The following SYDE1 variants were observed in gnomAD, a reference collection of about 807,000 sequenced individuals.
SYDE1 encodes the protein synapse defective Rho GTPase activating protein 1.
SYDE1 carries 34 observed loss-of-function variants against 63.3 expected under a neutral mutation model. That is an observed-to-expected ratio of 0.54 (90% CI 0.41 to 0.71). SYDE1 has a LOEUF of 0.71. Among genes scored for constraint, SYDE1 ranks in the 30% least tolerant of loss-of-function variants. The pLI, the probability that SYDE1 is intolerant of heterozygous loss-of-function variation, is 0.00. For missense variants in SYDE1, 925 were observed against 1,042.5 expected (o/e 0.89, Z 1.55); for synonymous variants, 467 against 473.4 (o/e 0.99, Z 0.18).
In SYDE1 at chr19:15,111,946, G is replaced by T. The variant is rs974833945; in HGVS notation, c.1578+154G>T. Among the ~76,000 whole-genome samples, 1 of 152,164 alleles carries T rather than the reference G, an allele frequency of 6.6e-6. No individual in the cohort carries two copies. The highest frequency in any genetic ancestry group is 1.5e-5 in the Non-Finnish European group (1 of 68,028). On this transcript the variant is annotated intron_variant, in intron 6 of 7. Transcript: ENST00000342784. The surrounding 1 kb of genome is among the most constrained non-coding windows in gnomAD (Gnocchi z 5.5). ...ATTAGCATCCCACTTCATAGATTTG[G>T]AAACTGAGGCCCAAAGCAGGTGACA...
In SYDE1 at chr19:15,110,173, G is replaced by A. The variant is rs1443398721; in HGVS notation, c.900G>A (p.Arg300=). ...CCLLQVDGEA[R]ARTGPLRGGP... ...TACTGCAAGTGGATGGGGAGGCCAGGGCCCGAACAGGGCCACTGCGAGGGG... is the reference window on the plus strand; with the variant it reads ...TACTGCAAGTGGATGGGGAGGCCAGAGCCCGAACAGGGCCACTGCGAGGGG... The change falls in exon 3 of 8, where the codon AGG becomes AGA. Residue 300 remains arginine (R), a synonymous_variant. Transcript: ENST00000342784. This position sits in a 1 kb window ranked among gnomAD's most constrained non-coding sequence, Gnocchi z 6.9. 1 of 1,409,424 alleles carries A rather than the reference G, an allele frequency of 7.1e-7. No homozygotes were observed. The highest frequency in any genetic ancestry group is 3.2e-5 in the Admixed American group (1 of 30,796). 87.3% of individuals were successfully genotyped at this position (1,409,424 alleles called of 1,614,324 possible).
At position 15,111,151 on chromosome 19, in the gene SYDE1, C is replaced by A. The variant is rs2046343363; in HGVS notation, c.1291-162C>A. ...GGAGATGGCAGCCAAGACAAGTAGTCCAAGCAGAGGGTTTACAAGGCCAGG... is the reference window on the plus strand; with the variant it reads ...GGAGATGGCAGCCAAGACAAGTAGTACAAGCAGAGGGTTTACAAGGCCAGG... On this transcript the variant is annotated intron_variant, in intron 4 of 7. Coordinates refer to ENST00000342784, the MANE Select transcript of SYDE1 (RefSeq NM_033025.6). This position sits in a 1 kb window ranked among gnomAD's most constrained non-coding sequence, Gnocchi z 5.5. Among the ~76,000 whole-genome samples the A allele has an allele frequency of 1.3e-5, 2 of 152,096 alleles. No individual in the cohort carries two copies. The highest frequency in any genetic ancestry group is 6.5e-5 in the Admixed American group (1 of 15,270).
rs1457881702 is a variant in SYDE1, at chr19:15,107,445, G to T, written c.12G>T (p.Pro4=). ...GCCCGGGCCGCAGCATGGCCGAGCCGCTACTCAGGAAAACCTTCTCCCGCC... is the reference window on the plus strand; with the variant it reads ...GCCCGGGCCGCAGCATGGCCGAGCCTCTACTCAGGAAAACCTTCTCCCGCC... The part of the protein sequence containing the change: MAE[P]LLRKTFSRLR... Residue 4 remains proline, a synonymous_variant, in exon 1 of 8, where the codon CCG becomes CCT. Coordinates refer to ENST00000342784, the MANE Select transcript of SYDE1 (RefSeq NM_033025.6). 7 of 1,477,064 alleles carry T rather than the reference G, an allele frequency of 4.7e-6. No homozygotes were observed. Among genetic ancestry groups the T allele is most frequent in the East Asian group, 2.7e-5 (1 of 36,402 alleles). 91.5% of individuals were successfully genotyped at this position (1,477,064 alleles called of 1,614,324 possible). A position where few individuals can be genotyped will look rare whatever the true frequency, so the allele number is the denominator to read the frequency against.
At position 15,111,496 on chromosome 19, in the gene SYDE1, G is replaced by A; in HGVS notation, c.1417+57G>A. On this transcript the variant is annotated intron_variant, in intron 5 of 7. Transcript: ENST00000342784. This position sits in a 1 kb window ranked among gnomAD's most constrained non-coding sequence, Gnocchi z 5.5. ...ACCCCCATTCAATGCCTCACTTCAA[G>A]GCCTTGGGGCTCCTCTGGGACCTCA... 1 of 1,605,056 alleles carries A rather than the reference G, an allele frequency of 6.2e-7. No homozygotes were observed. The highest frequency in any genetic ancestry group is 2.2e-5 in the East Asian group (1 of 44,684).
intron 7 of SYDE1, among the ~76,000 whole-genome samples, chr19:15,113,257 C>T (rs2145330597): frequency 6.6e-6 from 1 of 152,278 alleles, no homozygotes; most frequent in South Asian, 2.1e-4. Context: ...CCAGGCTGGT[C>T]TTGAACTCCT....
In SYDE1 at chr19:15,114,604, C is replaced by T. The variant is rs1180710881; in HGVS notation, c.*641C>T. 6.5e-6 allele frequency: 1 copy of T among 153,488 alleles called. No homozygotes were observed. Among genetic ancestry groups the T allele is most frequent in the Admixed American group, 6.4e-5 (1 of 15,584 alleles). The allele number at this position is 153,488 out of a possible 1,614,324, so 9.5% of individuals were successfully genotyped here. ...GATAACAGAGTCTGGCCTTTCCAAT[C>T]CCCATCTCCTTGCCCCCCCCTTGCC... On this transcript the variant is annotated 3_prime_UTR_variant, in exon 8 of 8. Transcript: ENST00000342784.
chr19:15,109,913 G>C lies in SYDE1; in HGVS notation c.640G>C (p.Gly214Arg). ...YHLDSSVGGP[G>R]PAAGPGGTRS... is the part of the protein sequence containing the mutation. ...CCTGGACAGCAGCGTGGGGGGCCCC[G>C]GGCCGGCAGCAGGGCCTGGGGGCAC... is the stretch of plus-strand genomic sequence containing the variant. The change falls in exon 3 of 8, where the codon GGG (glycine) becomes CGG (arginine). Residue 214 changes from glycine (G) to arginine (R), a missense_variant. By Grantham distance (125) the Gly-to-Arg change is moderately radical. Around this residue, in one of 3 missense-constraint regions of SYDE1, gnomAD observed 599 missense variants for 653.7 expected, o/e 0.92. Coordinates refer to ENST00000342784, the MANE Select transcript of SYDE1 (RefSeq NM_033025.6). The surrounding 1 kb of genome is among the most constrained non-coding windows in gnomAD (Gnocchi z 5.0). 11 of 1,463,954 alleles carry C rather than the reference G, an allele frequency of 7.5e-6. No homozygotes were observed. The highest frequency in any genetic ancestry group is 9.9e-6 in the Non-Finnish European group (11 of 1,114,294). 90.7% of individuals were successfully genotyped at this position (1,463,954 alleles called of 1,614,324 possible).
In SYDE1 at chr19:15,107,409, G is replaced by C; in HGVS notation, c.-25G>C. The C allele has an allele frequency of 9.1e-7, 1 of 1,099,858 alleles. No homozygotes were observed. Among genetic ancestry groups the C allele is most frequent in the Non-Finnish European group, 1.1e-6 (1 of 884,010 alleles). 68.1% of individuals were successfully genotyped at this position (1,099,858 alleles called of 1,614,324 possible). On this transcript the variant is annotated 5_prime_UTR_variant, in exon 1 of 8. Transcript: ENST00000342784. ...CGGCCGGAGCCCGGGGCGCGCACTC[G>C]GCTCGGCCCGGCCCGGGCCGCAGCA...
rs2046332923 is a variant in SYDE1, at chr19:15,109,998, C to A, written c.725C>A (p.Pro242His). Residue 242 changes from proline (P) to histidine (H), a missense_variant, in exon 3 of 8, where the codon CCC (proline) becomes CAC (histidine). Physicochemically the swap from Pro to His is moderately conservative, Grantham distance 77. Coordinates refer to ENST00000342784, the MANE Select transcript of SYDE1 (RefSeq NM_033025.6). The surrounding 1 kb of genome is among the most constrained non-coding windows in gnomAD (Gnocchi z 5.0). Reference sequence around the variant, plus strand: ...GACTCACCGGAGCGCCCAGCTGGGCCCCCATCACCCACCTCCTTCCGGCCC... The same window carrying A: ...GACTCACCGGAGCGCCCAGCTGGGCACCCATCACCCACCTCCTTCCGGCCC... ...DGDSPERPAG[P>H]PSPTSFRPYE... 10 of 1,495,398 alleles carry A rather than the reference C, an allele frequency of 6.7e-6. No individual in the cohort carries two copies. The highest frequency in any genetic ancestry group is 1.5e-5 in the African/African-American group (1 of 68,928). The allele number at this position is 1,495,398 out of a possible 1,614,324, so 92.6% of individuals were successfully genotyped here. A position where few individuals can be genotyped will look rare whatever the true frequency, so the allele number is the denominator to read the frequency against.
At position 15,113,712 on chromosome 19, in the gene SYDE1, G is replaced by C; in HGVS notation, c.1957G>C (p.Gly653Arg). Residue 653 changes from glycine (G) to arginine (R), a missense_variant, in exon 8 of 8, where the codon GGC becomes CGC. Gly to Arg is a moderately radical substitution (Grantham distance 125, BLOSUM62 -2). Around this residue, in one of 3 missense-constraint regions of SYDE1, gnomAD observed 255 missense variants for 255.9 expected, o/e 1.00. Transcript: ENST00000342784. ...AAGCCCCCCGAGCAACCGCTACGCCGGCGACTGGAGCGTTTGCGGGCGGGA... is the reference window on the plus strand; with the variant it reads ...AAGCCCCCCGAGCAACCGCTACGCCCGCGACTGGAGCGTTTGCGGGCGGGA... ...PESPPSNRYA[G>R]DWSVCGRDFL... The C allele has an allele frequency of 6.2e-7, 1 of 1,613,530 alleles. No individual in the cohort carries two copies. Among genetic ancestry groups the C allele is most frequent in the South Asian group, 1.1e-5 (1 of 91,056 alleles).
chr19:15,109,970 G>A lies in SYDE1; in HGVS notation c.697G>A (p.Gly233Arg), dbSNP rs946452543. 69 of 1,483,420 alleles carry A rather than the reference G, an allele frequency of 4.7e-5. No individual in the cohort carries two copies. In the Admixed American group the frequency reaches 5.8e-4, roughly 13 times the overall value. The allele number at this position is 1,483,420 out of a possible 1,614,324, so 91.9% of individuals were successfully genotyped here. Reference protein sequence around the residue: ...RSPRAGYLSDGDSPERPAGPP... With the variant: ...RSPRAGYLSDRDSPERPAGPP... ...CCCGAGGGCCGGTTACCTCAGCGAC[G>A]GGGACTCACCGGAGCGCCCAGCTGG... Residue 233 changes from glycine to arginine, a missense_variant, in exon 3 of 8, where the codon GGG (glycine) becomes AGG (arginine). By Grantham distance (125) the Gly-to-Arg change is moderately radical. Around this residue, in one of 3 missense-constraint regions of SYDE1, gnomAD observed 599 missense variants for 653.7 expected, o/e 0.92. Transcript: ENST00000342784. The surrounding 1 kb of genome is among the most constrained non-coding windows in gnomAD (Gnocchi z 5.0).
At chr19:15,112,216 C>T (rs927145238) in intron 6 of SYDE1, 130 bp from the exon 7 acceptor site, 10 of 642,934 alleles carry the variant, frequency 1.6e-5, no homozygotes, top group Non-Finnish European at 2.7e-5. Context: ...GATTAATAGT[C>T]TTAACCCGAC....
Position 15,110,105 on chromosome 19 carries a change from C to T in SYDE1, c.832C>T (p.Leu278=). The T allele has an allele frequency of 7.0e-7, 1 of 1,419,790 alleles. No individual in the cohort carries two copies. The highest frequency in any genetic ancestry group is 1.5e-5 in the South Asian group (1 of 67,004). The allele number at this position is 1,419,790 out of a possible 1,614,324, so 87.9% of individuals were successfully genotyped here. Residue 278 remains leucine, a synonymous_variant, in exon 3 of 8, where the codon CTG becomes TTG. Coordinates refer to ENST00000342784, the MANE Select transcript of SYDE1 (RefSeq NM_033025.6). The surrounding 1 kb of genome is among the most constrained non-coding windows in gnomAD (Gnocchi z 6.9). ...CCTGCACCTGTACGGTCTCGGGGGG[C>T]TGCGGCCAGCGCCGGGGGCCACCCC... ...LSLHLYGLGG[L]RPAPGATPRD...
Position 15,111,588 on chromosome 19 carries a change from A to G in SYDE1, c.1418-44A>G. 1.2e-6 allele frequency: 2 copies of G among 1,611,772 alleles called. No individual in the cohort carries two copies. ...CCTTAGCTGTGCCCTCCTTAGCCTT[A>G]GAAGCCAGTGGTGCCCTGACCAGAG... On this transcript the variant is annotated intron_variant, in intron 5 of 7. Transcript: ENST00000342784. This position sits in a 1 kb window ranked among gnomAD's most constrained non-coding sequence, Gnocchi z 5.5.
Position 15,111,362 on chromosome 19 carries a change from T to C in SYDE1, c.1340T>C (p.Leu447Pro). Residue 447 changes from leucine (L) to proline (P), a missense_variant, in exon 5 of 8, where the codon CTT becomes CCT. This residue lies in a region of SYDE1 where 599 missense variants were observed against 653.7 expected (regional missense o/e 0.92). Transcript: ENST00000342784. This position sits in a 1 kb window ranked among gnomAD's most constrained non-coding sequence, Gnocchi z 5.5. ...GGCTCAGCGGCAGTGAAGAAAGAGC[T>C]TCGGGATGCCTTTGAGCGGGACAGT... is the stretch of plus-strand genomic sequence containing the variant. ...LCGSAAVKKE[L>P]RDAFERDSAA... is the part of the protein sequence containing the mutation. 1 of 1,614,156 alleles carries C rather than the reference T, an allele frequency of 6.2e-7. No individual in the cohort carries two copies. The highest frequency in any genetic ancestry group is 8.5e-7 in the Non-Finnish European group (1 of 1,180,010).
chr19:15,113,692 C>A lies in SYDE1; in HGVS notation c.1937C>A (p.Pro646His), dbSNP rs758816670. Reference sequence around the variant, plus strand: ...CGCGGTCGAGGAGGCCCCGAAAGCCCCCCGAGCAACCGCTACGCCGGCGAC... The same window carrying A: ...CGCGGTCGAGGAGGCCCCGAAAGCCACCCGAGCAACCGCTACGCCGGCGAC... ...RPRGRGGPES[P>H]PSNRYAGDWS... is the part of the protein sequence containing the mutation. Residue 646 changes from proline (P) to histidine (H), a missense_variant, in exon 8 of 8, where the codon CCC becomes CAC. By Grantham distance (77) the Pro-to-His change is moderately conservative. Coordinates refer to ENST00000342784, the MANE Select transcript of SYDE1 (RefSeq NM_033025.6). 7 of 1,613,314 alleles carry A rather than the reference C, an allele frequency of 4.3e-6. No homozygotes were observed. The highest frequency in any genetic ancestry group is 5.1e-6 in the Non-Finnish European group (6 of 1,179,840).
rs1424056744 is a variant in SYDE1 at position 15,109,175 on chromosome 19, G to A, written c.208G>A (p.Gly70Arg). 6 of 1,556,060 alleles carry A rather than the reference G, an allele frequency of 3.9e-6. No homozygotes were observed. The South Asian group carries it at 4.7e-5, about 12-fold the overall frequency. ...CGAGGCATCAAGGAGCCCTGCACGG[G>A]GAGCCTACCTGCAAAGCCTGGAGCC... ...SPEASRSPAR[G>R]AYLQSLEPSS... The change falls in exon 2 of 8, where the codon GGA (glycine) becomes AGA (arginine). Residue 70 changes from glycine to arginine, a missense_variant. Gly to Arg is a moderately radical substitution (Grantham distance 125). Transcript: ENST00000342784. This position sits in a 1 kb window ranked among gnomAD's most constrained non-coding sequence, Gnocchi z 5.0.
Position 15,112,500 on chromosome 19 carries a change from C to T in SYDE1, c.1733C>T (p.Pro578Leu). ...PTRPRARSSG[P>L]GLASAVDFKH... ...AGGCCTCGTGCCCGCAGCTCCGGCC[C>T]AGGCCTTGCCAGTGCAGTGGACTTC... The change falls in exon 7 of 8, where the codon CCA becomes CTA. Residue 578 changes from proline (P) to leucine (L), a missense_variant. By Grantham distance (98) the Pro-to-Leu change is moderately conservative. Transcript: ENST00000342784. The T allele has an allele frequency of 6.2e-7, 1 of 1,606,780 alleles. No individual in the cohort carries two copies. Among genetic ancestry groups the T allele is most frequent in the Non-Finnish European group, 8.5e-7 (1 of 1,176,942 alleles).
rs780674071 is a variant in SYDE1, at chr19:15,114,005, G to A, written c.*42G>A. The A allele has an allele frequency of 1.9e-6, 3 of 1,571,050 alleles. No homozygotes were observed. Among genetic ancestry groups the A allele is most frequent in the Non-Finnish European group, 2.6e-6 (3 of 1,155,748 alleles). On this transcript the variant is annotated 3_prime_UTR_variant, in exon 8 of 8. Coordinates refer to ENST00000342784, the MANE Select transcript of SYDE1 (RefSeq NM_033025.6). ...GGACCCCGGTTAGTAAGGACCGGGCGCCCAGTGGCTAAGGCGGTGCCCTGG... is the reference window on the plus strand; with the variant it reads ...GGACCCCGGTTAGTAAGGACCGGGCACCCAGTGGCTAAGGCGGTGCCCTGG...
Sources: allele counts gnomAD v4.1 joint callset (sites outside exome capture counted in the v4.1 genomes callset), GRCh38; gene constraint gnomAD v4.1.1; regional missense constraint gnomAD v4.1.1; non-coding constraint Gnocchi (gnomAD v3.1); transcripts MANE v1.5; gene names NCBI Gene and HGNC (gene_info 2026-07-23, HGNC 2026-07-21).